The following MPDZ variants were observed in gnomAD, a reference collection of about 807,000 sequenced individuals.
MPDZ encodes the protein multiple PDZ domain crumbs cell polarity complex component.
MPDZ carries 234 observed loss-of-function variants against 239.1 expected under a neutral mutation model. That is an observed-to-expected ratio of 0.98 (90% CI 0.88 to 1.09). MPDZ has a LOEUF of 1.09. Among genes scored for constraint, MPDZ ranks in the 50% least tolerant of loss-of-function variants. The pLI is 0.00. For missense variants in MPDZ, 3,175 were observed against 2,510.0 expected (o/e 1.26, Z -5.66); for synonymous variants, 1,048 against 881.3 (o/e 1.19, Z -3.35).
intron 3 of MPDZ, among the ~76,000 whole-genome samples, chr9:13,246,169 C>T (rs1261212085): frequency 6.6e-6 from 1 of 152,140 alleles, no homozygotes; most frequent in Non-Finnish European, 1.5e-5. Flanking sequence ...TCAATCTTGC[C>T]AGGCGCGATG....
At chr9:13,262,778 T>C (rs552514066) in intron 1 of MPDZ, among the ~76,000 whole-genome samples, 50 of 152,194 alleles carry the variant, frequency 3.3e-4, no homozygotes, top group Non-Finnish European at 6.0e-4. Flanking sequence ...GACTCATTTT[T>C]TAAAGAACAG....
At chr9:13,197,925 C>T (rs1216738575) in intron 12 of MPDZ, among the ~76,000 whole-genome samples, 1 of 152,098 alleles carries the variant, frequency 6.6e-6, no homozygotes, top group Non-Finnish European at 1.5e-5. Context: ...AAAGACAAAA[C>T]TTCATTCTTT....
chr9:13,160,403 T>C (rs1278421755), intron 23 of MPDZ, among the ~76,000 whole-genome samples: 1 of 152,254 alleles, frequency 6.6e-6, no homozygotes, highest in Middle Eastern at 3.4e-3. Context: ...CACAGGACAA[T>C]CCAGGCCATC....
At chr9:13,233,105 G>C (rs1962989169) in intron 3 of MPDZ, among the ~76,000 whole-genome samples, 1 of 152,156 alleles carries the variant, frequency 6.6e-6, no homozygotes, top group African/African-American at 2.4e-5. Flanking sequence ...TATCGTGAGA[G>C]AGTTGGACTT....
chr9:13,230,854 T>A (rs1260628176), intron 3 of MPDZ, among the ~76,000 whole-genome samples: 1 of 152,146 alleles, frequency 6.6e-6, no homozygotes, highest in Admixed American at 6.5e-5. Flanking sequence ...TCCAGAAATG[T>A]TGGATATGCA....
intron 1 of MPDZ, among the ~76,000 whole-genome samples, chr9:13,251,604 G>A (rs1441788185): frequency 1.3e-5 from 2 of 152,142 alleles, no homozygotes; most frequent in Non-Finnish European, 2.9e-5. Flanking sequence ...TTTTTCATCT[G>A]GAAGCAAAAT....
At chr9:13,198,735 C>CTGTGTGTG (rs1243812686) in intron 12 of MPDZ, among the ~76,000 whole-genome samples, 274 of 17,076 alleles carry the variant, frequency 0.016, 2 homozygotes, top group African/African-American at 0.019. Context: ...TAATCTCTCT[C>CTGTGTGTG]TCTGTGTGTG....
At position 13,224,485 on chromosome 9, in the gene MPDZ, T is replaced by G. The variant is rs372907146; in HGVS notation, c.282A>C (p.Leu94Phe). 1.9e-6 allele frequency: 3 copies of G among 1,612,848 alleles called. No individual in the cohort carries two copies. In the South Asian group the frequency reaches 3.3e-5, roughly 18 times the overall value. Residue 94 changes from leucine to phenylalanine, a missense_variant, in exon 4 of 47, where the codon TTA (leucine) becomes TTC (phenylalanine). Leu to Phe is a conservative substitution (Grantham distance 22). Transcript: ENST00000319217. ...VIPTLQNESFLLSPNNGNLEA... is the reference protein window; with the variant it reads ...VIPTLQNESFFLSPNNGNLEA... ...CCAGATTCCCATTGTTTGGGGATAATAAAAACGATTCATTTTGCAGAGTAG... is the reference window on the plus strand; with the variant it reads ...CCAGATTCCCATTGTTTGGGGATAAGAAAAACGATTCATTTTGCAGAGTAG...
At chr9:13,119,882 T>A in intron 38 of MPDZ, 1 of 525,752 alleles carries the variant, frequency 1.9e-6, no homozygotes, top group Non-Finnish European at 3.4e-6. Context: ...TATTTATTCT[T>A]CATCATTTAT....
At chr9:13,122,528 T>C (rs1392295477) in intron 36 of MPDZ, among the ~76,000 whole-genome samples, 1 of 151,572 alleles carries the variant, frequency 6.6e-6, no homozygotes, top group Non-Finnish European at 1.5e-5. Context: ...AAACTCTTTT[T>C]TTTTTTTTTT....
At chr9:13,191,395 A>C (rs1390078593) in intron 15 of MPDZ, among the ~76,000 whole-genome samples, 1 of 152,182 alleles carries the variant, frequency 6.6e-6, no homozygotes, top group Non-Finnish European at 1.5e-5. Context: ...CATATTATGC[A>C]AAGTCCTAAT....
At chr9:13,262,935 C>T (rs938632392) in intron 1 of MPDZ, among the ~76,000 whole-genome samples, 1 of 151,998 alleles carries the variant, frequency 6.6e-6, no homozygotes, top group African/African-American at 2.4e-5. Flanking sequence ...ATTAAAAGGA[C>T]ACATTCTAAA....
chr9:13,223,486 T>C (rs1184919209), intron 5 of MPDZ, 85 bp downstream of exon 5: 2 of 1,426,102 alleles, frequency 1.4e-6, no homozygotes, highest in African/African-American at 2.9e-5. Flanking sequence ...TTGCCATTCA[T>C]TATTATTTTT....
chr9:13,236,237 G>GTA (rs745796176), intron 3 of MPDZ, among the ~76,000 whole-genome samples: 185 of 10,522 alleles, frequency 0.018, 1 homozygote, highest in East Asian at 0.057. Context: ...ATATGTATAT[G>GTA]TGTGTGTGTG....
intron 28 of MPDZ, among the ~76,000 whole-genome samples, chr9:13,139,472 G>T (rs1026148095): frequency 6.6e-6 from 1 of 152,166 alleles, no homozygotes; most frequent in Non-Finnish European, 1.5e-5. Context: ...AACCTGAGGG[G>T]AGAACTCCAT....
intron 22 of MPDZ, chr9:13,165,415 T>A (rs1029242817): frequency 1.3e-6 from 2 of 1,549,096 alleles, no homozygotes; most frequent in Non-Finnish European, 1.7e-6. Flanking sequence ...AAATCTAGAA[T>A]GTGAAGCATA....
At chr9:13,170,443 C>G (rs942498037) in intron 21 of MPDZ, among the ~76,000 whole-genome samples, 5 of 152,076 alleles carry the variant, frequency 3.3e-5, no homozygotes, top group Admixed American at 2.0e-4. Context: ...TAAGAAGACA[C>G]CTCTGCTTAC....
Position 13,155,558 on chromosome 9 carries a change from A to G in MPDZ, c.3452+2460T>C, listed in dbSNP as rs1178839224. 2.6e-5 allele frequency among the ~76,000 whole-genome samples: 4 copies of G among 152,204 alleles called. No individual in the cohort carries two copies. The South Asian group carries it at 8.3e-4, about 31-fold the overall frequency. On this transcript the variant is annotated intron_variant, in intron 24 of 46. Transcript: ENST00000319217. ...AACGTCAAGAATTGAGAGAAAAATT[A>G]AGCAAAATGGAAAATAATACATGTA...
At chr9:13,234,033 ATAT>A (rs1963280374) in intron 3 of MPDZ, among the ~76,000 whole-genome samples, 2 of 152,100 alleles carry the variant, frequency 1.3e-5, no homozygotes, top group African/African-American at 4.8e-5. Flanking sequence ...GTCTTCCCAA[ATAT>A]TATAAATTTT....
Sources: gnomAD v4.1 joint callset for allele counts (sites outside exome capture counted in the v4.1 genomes callset) on GRCh38, gnomAD v4.1.1 for gene constraint, MANE v1.5 for transcripts, NCBI Gene and HGNC (gene_info 2026-07-23, HGNC 2026-07-21) for gene names.